Variants in PIK3R5 observed in about 807,000 individuals in gnomAD.
PIK3R5 encodes phosphoinositide 3-kinase regulatory subunit 5.
PIK3R5 carries 32 observed loss-of-function variants against 94.9 expected under a neutral mutation model. The observed-to-expected ratio is 0.34, with a 90% CI of 0.25 to 0.45. The LOEUF is 0.45. PIK3R5 is among the 20% of genes least tolerant of loss of function. The pLI is 1.00. For missense variants in PIK3R5, 853 were observed against 1,144.6 expected, an observed-to-expected ratio of 0.75 and a Z score of 3.68; for synonymous variants, 443 against 479.4, an observed-to-expected ratio of 0.92 and a Z score of 0.99.
At chr17:8,940,092 A>C (rs2091147441) in intron 1 of PIK3R5, among the ~76,000 whole-genome samples, 1 of 152,194 alleles carries the variant, frequency 6.6e-6, no homozygotes, top group Non-Finnish European at 1.5e-5. Flanking sequence ...TCACAAGGGC[A>C]GCCCCTAAGC....
In PIK3R5 at chr17:8,911,499, G is replaced by C; in HGVS notation, c.-5C>G. 1.3e-6 allele frequency: 2 copies of C among 1,595,150 alleles called. No individual in the cohort carries two copies. Among genetic ancestry groups the C allele is most frequent in the Non-Finnish European group, 1.7e-6 (2 of 1,176,136 alleles). On this transcript the variant is annotated 5_prime_UTR_variant, in exon 2 of 19. Coordinates refer to ENST00000447110, the MANE Select transcript of PIK3R5 (RefSeq NM_001142633.3). The surrounding 1 kb of genome is among the most constrained non-coding windows in gnomAD (Gnocchi z 5.3). ...TGTCGTGGCCCCTGGCTGCATCCTG[G>C]GTCATCGCCTGCATGGGGGACAGAC...
At chr17:8,954,285 G>A (rs1169947664) in intron 1 of PIK3R5, among the ~76,000 whole-genome samples, 1 of 152,150 alleles carries the variant, frequency 6.6e-6, no homozygotes, top group Non-Finnish European at 1.5e-5. Flanking sequence ...ACTTTAATTT[G>A]CTCCCAATTT....
chr17:8,916,308 G>T (rs1044402178), intron 1 of PIK3R5: 1 of 152,268 alleles, frequency 6.6e-6, no homozygotes, highest in Admixed American at 6.5e-5. Context: ...CGGCTTTGGG[G>T]CAGAGGTGAG....
intron 1 of PIK3R5, among the ~76,000 whole-genome samples, chr17:8,913,802 T>C (rs1321683422): frequency 6.6e-6 from 1 of 152,240 alleles, no homozygotes; most frequent in African/African-American, 2.4e-5. Context: ...AAAGACATCC[T>C]GAGGCCCTTC....
Position 8,889,843 on chromosome 17 carries a change from A to T in PIK3R5, c.811+130T>A. The T allele has an allele frequency of 1.1e-6, 1 of 883,262 alleles. No homozygotes were observed. Among genetic ancestry groups the T allele is most frequent in the Non-Finnish European group, 1.8e-6 (1 of 560,256 alleles). 54.7% of individuals were successfully genotyped at this position (883,262 alleles called of 1,614,324 possible). A position where few individuals can be genotyped will look rare whatever the true frequency, so the allele number is the denominator to read the frequency against. ...CCCTAGGGGATGGCAGAGCAGTGAG[A>T]TGCTGAAGAAGCTGAGTCCCTGAGT... is the stretch of plus-strand genomic sequence containing the variant. On this transcript the variant is annotated intron_variant, in intron 8 of 18. Transcript: ENST00000447110. This position sits in a 1 kb window ranked among gnomAD's most constrained non-coding sequence, Gnocchi z 4.1.
At chr17:8,957,053 G>A (rs1277690860) in intron 1 of PIK3R5, among the ~76,000 whole-genome samples, 1 of 152,102 alleles carries the variant, frequency 6.6e-6, no homozygotes, top group Non-Finnish European at 1.5e-5. Flanking sequence ...CCAGCTTTGG[G>A]ACCTGTTTAT....
At chr17:8,920,755 A>T (rs2090724930) in intron 1 of PIK3R5, among the ~76,000 whole-genome samples, 1 of 152,146 alleles carries the variant, frequency 6.6e-6, no homozygotes, top group South Asian at 2.1e-4. Flanking sequence ...TTACTTCTGT[A>T]ATTTTAGCCC....
intron 1 of PIK3R5, among the ~76,000 whole-genome samples, chr17:8,933,242 A>G (rs115024867): frequency 0.029 from 4,359 of 152,306 alleles, 72 homozygotes; most frequent in Middle Eastern, 0.068. Flanking sequence ...GGATGTACAC[A>G]TTTGTCAAAA....
intron 1 of PIK3R5, among the ~76,000 whole-genome samples, chr17:8,950,702 G>A (rs1244834256): frequency 6.6e-6 from 1 of 152,100 alleles, no homozygotes; most frequent in Non-Finnish European, 1.5e-5. Context: ...TACCATCAAT[G>A]GGCACCTAGG....
Position 8,881,771 on chromosome 17 carries a change from C to A in PIK3R5, c.2299+17G>T. On this transcript the variant is annotated intron_variant, in intron 16 of 18. Coordinates refer to ENST00000447110, the MANE Select transcript of PIK3R5 (RefSeq NM_001142633.3). The surrounding 1 kb of genome is among the most constrained non-coding windows in gnomAD (Gnocchi z 4.8). Reference sequence around the variant, plus strand: ...GCACCTCCCTACTGCACACCCCACACTGACCACCCCACTCACCCAGCTCCT... The same window carrying A: ...GCACCTCCCTACTGCACACCCCACAATGACCACCCCACTCACCCAGCTCCT... 1 of 1,613,628 alleles carries A rather than the reference C, an allele frequency of 6.2e-7. No homozygotes were observed. The highest frequency in any genetic ancestry group is 8.5e-7 in the Non-Finnish European group (1 of 1,179,560).
At chr17:8,897,723 AC>A (rs1241209335) in intron 5 of PIK3R5, among the ~76,000 whole-genome samples, 3 of 151,918 alleles carry the variant, frequency 2.0e-5, no homozygotes, top group African/African-American at 4.8e-5. Flanking sequence ...GTTAGGTGCA[AC>A]CCCCCTCACC....
rs555275865 is a variant in PIK3R5, at chr17:8,901,886, T to C, written c.412+2891A>G. ...TTGGTTGATTATTAGCAAGGATGCG[T>C]TGATGAACGTCTTTGTTTTGTAGCT... On this transcript the variant is annotated intron_variant, in intron 5 of 18. Coordinates refer to ENST00000447110, the MANE Select transcript of PIK3R5 (RefSeq NM_001142633.3). Among the ~76,000 whole-genome samples the C allele has an allele frequency of 8.9e-4, 136 of 152,340 alleles. 1 individual carries two copies. The highest frequency in any genetic ancestry group is 3.0e-3 in the African/African-American group (125 of 41,562).
chr17:8,963,423 G>T (rs1476610193), intron 1 of PIK3R5, among the ~76,000 whole-genome samples: 1 of 152,134 alleles, frequency 6.6e-6, no homozygotes, highest in African/African-American at 2.4e-5. Context: ...GTATGGAGCA[G>T]CCTGCACCCC....
rs961865232 is a variant in PIK3R5, at chr17:8,888,165, T to C, written c.1616+6A>G. The C allele has an allele frequency of 2.5e-6, 4 of 1,613,086 alleles. No individual in the cohort carries two copies. Among genetic ancestry groups the C allele is most frequent in the Non-Finnish European group, 2.5e-6 (3 of 1,179,804 alleles). On this transcript the variant is annotated splice_donor_region_variant and intron_variant, in intron 10 of 18. Transcript: ENST00000447110. This position sits in a 1 kb window ranked among gnomAD's most constrained non-coding sequence, Gnocchi z 7.8. ...GCAGAGGGATGCTCCGCATTACGGC[T>C]CTTACCGAAGGTTGCTGTACGCCCG...
intron 1 of PIK3R5, among the ~76,000 whole-genome samples, chr17:8,959,856 G>A (rs954398559): frequency 2.6e-5 from 4 of 152,224 alleles, no homozygotes; most frequent in African/African-American, 9.7e-5. Flanking sequence ...CTCCTAAGAG[G>A]AACAGAATGA....
At chr17:8,891,371 C>T (rs1029100810) in intron 6 of PIK3R5, among the ~76,000 whole-genome samples, 20 of 151,980 alleles carry the variant, frequency 1.3e-4, no homozygotes, top group Middle Eastern at 3.2e-3. Flanking sequence ...TGAAATTCCT[C>T]GTGCCGTGGG....
intron 15 of PIK3R5, among the ~76,000 whole-genome samples, chr17:8,883,988 T>C (rs965994405): frequency 6.6e-6 from 1 of 152,186 alleles, no homozygotes; most frequent in South Asian, 2.1e-4. Flanking sequence ...TCTGCTGTTT[T>C]ATTGCTTTGT....
intron 1 of PIK3R5, among the ~76,000 whole-genome samples, chr17:8,947,087 C>T (rs1469370929): frequency 5.7e-5 from 3 of 52,400 alleles, no homozygotes; most frequent in African/African-American, 1.1e-4. Flanking sequence ...GAGAGAGAAG[C>T]GCATGGGATG....
In PIK3R5 at chr17:8,888,043, A is replaced by ATAATAG; in HGVS notation, c.1616+127_1616+128insCTATTA. The ATAATAG allele has an allele frequency of 3.6e-6, 1 of 280,544 alleles. No individual in the cohort carries two copies. Among genetic ancestry groups the ATAATAG allele is most frequent in the Non-Finnish European group, 6.4e-6 (1 of 156,784 alleles). The allele number at this position is 280,544 out of a possible 1,614,324, so 17.4% of individuals were successfully genotyped here. A position where few individuals can be genotyped will look rare whatever the true frequency, so the allele number is the denominator to read the frequency against. ...AATAATAATAATAATAATAATAATA[A>ATAATAG]TAATAAAATAAAAATAAATAAGGGA... is the stretch of plus-strand genomic sequence containing the variant. On this transcript the variant is annotated intron_variant, in intron 10 of 18. Transcript: ENST00000447110. The surrounding 1 kb of genome is among the most constrained non-coding windows in gnomAD (Gnocchi z 7.8).
Sources: allele counts gnomAD v4.1 joint callset (sites outside exome capture counted in the v4.1 genomes callset), GRCh38; gene constraint gnomAD v4.1.1; non-coding constraint Gnocchi (gnomAD v3.1); transcripts MANE v1.5; gene names NCBI Gene and HGNC (gene_info 2026-07-23, HGNC 2026-07-21).